The following DUSP15 variants were observed in gnomAD, a reference collection of about 807,000 sequenced individuals.
The protein encoded by DUSP15 is dual specificity protein phosphatase 15.
Under a neutral mutation model 26.3 loss-of-function variants are expected in DUSP15, and 23 were observed. That is an observed-to-expected ratio of 0.87 (90% CI 0.63 to 1.24). DUSP15 has a LOEUF of 1.24. Ranked by LOEUF, DUSP15 falls within the 50% of genes most tolerant of loss-of-function variation. The pLI is 0.00. For synonymous variants in DUSP15, 143 were observed against 135.5 expected (o/e 1.06, Z -0.39); for missense variants, 364 against 320.6 (o/e 1.14, Z -1.03).
At chr20:31,849,669 A>G in intron 8 of DUSP15, 1 of 1,528,756 alleles carries the variant, frequency 6.5e-7, no homozygotes, top group South Asian at 1.2e-5. Context: ...AGAGCTGCAC[A>G]CCGCGCTCCA....
At chr20:31,870,586 A>T (rs766372164), upstream of DUSP15, 30 of 1,421,194 alleles carry the variant, frequency 2.1e-5, no homozygotes, top group Non-Finnish European at 2.7e-5. The surrounding 1 kb of genome is among the most constrained non-coding windows in gnomAD (Gnocchi z 6.6). Context: ...CCCTTCGGTC[A>T]TGTGGGGCCC....
intron 6 of DUSP15, among the ~76,000 whole-genome samples, chr20:31,853,294 TAG>T (rs144884535): frequency 0.031 from 4,728 of 151,930 alleles, 241 homozygotes; most frequent in African/African-American, 0.11. Context: ...AAAAAATAAA[TAG>T]AGTGATGGGA....
chr20:31,870,142 G>A lies in DUSP15; in HGVS notation c.21+175C>T. 2.4e-6 allele frequency: 3 copies of A among 1,232,662 alleles called. No individual in the cohort carries two copies. The highest frequency in any genetic ancestry group is 3.0e-6 in the Non-Finnish European group (3 of 987,250). The allele number at this position is 1,232,662 out of a possible 1,614,324, so 76.4% of individuals were successfully genotyped here. A position where few individuals can be genotyped will look rare whatever the true frequency, so the allele number is the denominator to read the frequency against. The stretch of plus-strand genomic sequence containing the variant: ...GGACACAGCGGGGACAGAGACGCAG[G>A]GTCAGAGAGGGGGAGACCCGACAGC... On this transcript the variant is annotated intron_variant, in intron 1 of 6. Transcript: ENST00000339738. This position sits in a 1 kb window ranked among gnomAD's most constrained non-coding sequence, Gnocchi z 6.6.
In DUSP15 at chr20:31,864,337, AC is replaced by A. The variant is rs1374853982; in HGVS notation, c.189-357del. The A allele has an allele frequency of 1.7e-5, 18 of 1,065,228 alleles. No homozygotes were observed. The South Asian group carries it at 3.3e-4, about 19-fold the overall frequency. 66.0% of individuals were successfully genotyped at this position (1,065,228 alleles called of 1,614,324 possible). ...CTCCTCTGGGGTCTGCAATCAGAGC[AC>A]CTGGGCACAATGATGGGCAGCAGCA... On this transcript the variant is annotated intron_variant, in intron 4 of 6. Transcript: ENST00000339738.
Position 31,870,138 on chromosome 20 carries a change from G to A in DUSP15, c.21+179C>T, listed in dbSNP as rs1398373045. ...GGGCGGACACAGCGGGGACAGAGAC[G>A]CAGGGTCAGAGAGGGGGAGACCCGA... On this transcript the variant is annotated intron_variant, in intron 1 of 6. Coordinates refer to ENST00000339738, the MANE Select transcript of DUSP15 (RefSeq NM_080611.5). This position sits in a 1 kb window ranked among gnomAD's most constrained non-coding sequence, Gnocchi z 6.6. 3 of 1,234,304 alleles carry A rather than the reference G, an allele frequency of 2.4e-6. No homozygotes were observed. 76.5% of individuals were successfully genotyped at this position (1,234,304 alleles called of 1,614,324 possible).
intron 3 of DUSP15, 84 bp from the exon 4 acceptor site, chr20:31,865,086 A>C: frequency 6.8e-7 from 1 of 1,479,304 alleles, no homozygotes; most frequent in Non-Finnish European, 9.4e-7. Context: ...GCAGGGCATA[A>C]CCCCAGCCCA....
downstream of DUSP15, among the ~76,000 whole-genome samples, chr20:31,860,447 G>C (rs964109108): frequency 2.5e-4 from 38 of 152,228 alleles, no homozygotes; most frequent in African/African-American, 7.5e-4. Flanking sequence ...GGCAGCCCTG[G>C]CCTTTAAAGT....
chr20:31,855,313 A>G (rs900695962), intron 6 of DUSP15, among the ~76,000 whole-genome samples: 1 of 152,178 alleles, frequency 6.6e-6, no homozygotes, highest in Non-Finnish European at 1.5e-5. Context: ...GCGCACATCC[A>G]TGAATGGCCA....
At chr20:31,848,304 C>G in exon 10 of DUSP15, 3 of 1,363,164 alleles carry the variant, frequency 2.2e-6, no homozygotes, top group Non-Finnish European at 3.0e-6. Flanking sequence ...CTCTGCCGTC[C>G]GGCAGACCTG....
chr20:31,864,288 G>A, intron 4 of DUSP15: 1 of 1,140,468 alleles, frequency 8.8e-7, no homozygotes, highest in Non-Finnish European at 1.1e-6. Context: ...AGAGAAATGG[G>A]TGGGAGGAAA....
intron 3 of DUSP15, among the ~76,000 whole-genome samples, chr20:31,865,882 C>T (rs935553014): frequency 8.5e-5 from 13 of 152,080 alleles, no homozygotes; most frequent in Admixed American, 5.9e-4. Context: ...CAGGAAGGGC[C>T]GTAGGAGCAG....
chr20:31,869,796 GC>G, intron 1 of DUSP15, 199 bp from the exon 2 acceptor site: 2 of 1,439,402 alleles, frequency 1.4e-6, no homozygotes, highest in South Asian at 3.0e-5. Context: ...AGGCTAGGGG[GC>G]CAGTTAACCA....
chr20:31,849,645 C>A, intron 8 of DUSP15: 3 of 1,523,152 alleles, frequency 2.0e-6, no homozygotes, highest in Non-Finnish European at 1.8e-6. Context: ...TGAACACGCC[C>A]TCCGGAGCCA....
chr20:31,848,727 A>G (rs1468352102), intron 9 of DUSP15: 2 of 1,507,148 alleles, frequency 1.3e-6, no homozygotes, highest in Non-Finnish European at 1.8e-6. Context: ...CAGAGCTGGG[A>G]CTGGAGGGAG....
rs2062899113 is a variant in DUSP15, at chr20:31,870,483, C to T, written c.-146G>A. 2 of 1,372,512 alleles carry T rather than the reference C, an allele frequency of 1.5e-6. No homozygotes were observed. The highest frequency in any genetic ancestry group is 6.6e-5 in the Admixed American group (2 of 30,188). 85.0% of individuals were successfully genotyped at this position (1,372,512 alleles called of 1,614,324 possible). On this transcript the variant is annotated 5_prime_UTR_variant, in exon 1 of 7. Transcript: ENST00000339738. The surrounding 1 kb of genome is among the most constrained non-coding windows in gnomAD (Gnocchi z 6.6). ...CGTCCGCGGCCCTGCCCAGCCCTGC[C>T]CAGCCACCGCCACCGCCCGCCGACC...
At chr20:31,861,031 C>T (rs577868639), downstream of DUSP15, 6 of 1,057,562 alleles carry the variant, frequency 5.7e-6, no homozygotes, top group East Asian at 4.2e-4. Flanking sequence ...CAGAATCCTG[C>T]TGCCCCGCCT....
intron 1 of DUSP15, 154 bp from the exon 2 acceptor site, chr20:31,869,751 C>T (rs1394357761): frequency 4.4e-5 from 66 of 1,486,290 alleles, no homozygotes; most frequent in Non-Finnish European, 5.5e-5. Flanking sequence ...GGCCCTGAGT[C>T]CTCTGTGAGA....
chr20:31,867,941 G>A (rs774305818), intron 2 of DUSP15, among the ~76,000 whole-genome samples: 1 of 151,798 alleles, frequency 6.6e-6, no homozygotes, highest in African/African-American at 2.4e-5. Flanking sequence ...CATCGTGCCC[G>A]GCTGATGCCC....
At chr20:31,867,829 T>A (rs1023259245) in intron 2 of DUSP15, among the ~76,000 whole-genome samples, 4 of 151,998 alleles carry the variant, frequency 2.6e-5, no homozygotes, top group Non-Finnish European at 5.9e-5. Flanking sequence ...GCATTTTTAG[T>A]AGAGACGGGG....
Sources: allele counts gnomAD v4.1 joint callset (sites outside exome capture counted in the v4.1 genomes callset), GRCh38; gene constraint gnomAD v4.1.1; non-coding constraint Gnocchi (gnomAD v3.1); transcripts MANE v1.5; gene names NCBI Gene and HGNC (gene_info 2026-07-23, HGNC 2026-07-21).